MINDY3: variants seen among roughly 807,000 people sequenced by gnomAD.
MINDY3 encodes MINDY lysine 48 deubiquitinase 3.
Under a neutral mutation model 69.2 loss-of-function variants are expected in MINDY3, and 38 were observed. The ratio of observed to expected loss-of-function variants is 0.55; its 90% confidence interval spans 0.42 to 0.72. MINDY3 has a LOEUF of 0.72. Among genes scored for constraint, MINDY3 ranks in the 30% least tolerant of loss-of-function variants. MINDY3 has a pLI of 0.00. For missense variants in MINDY3, 522 were observed against 519.0 expected (o/e 1.01, Z -0.06); for synonymous variants, 192 against 180.1 (o/e 1.07, Z -0.53).
chr10:15,804,633 C>CAATA, intron 10 of MINDY3, among the ~76,000 whole-genome samples: 2 of 152,100 alleles, frequency 1.3e-5, no homozygotes, highest in Admixed American at 1.3e-4. Context: ...AAAGTCCCTC[C>CAATA]AATAAATAAA....
At chr10:15,850,354 G>A (rs114116722) in intron 1 of MINDY3, among the ~76,000 whole-genome samples, 3,157 of 152,290 alleles carry the variant, frequency 0.021, 86 homozygotes, top group African/African-American at 0.068. Context: ...CAAGGGAGAT[G>A]ATCATTAGGT....
At chr10:15,833,557 C>T (rs1165067390) in intron 8 of MINDY3, 73 bp downstream of exon 8, 21 of 975,828 alleles carry the variant, frequency 2.2e-5, no homozygotes, top group Middle Eastern at 2.1e-4. Context: ...ATTAAATAGA[C>T]GAATAATAAT....
intron 11 of MINDY3, among the ~76,000 whole-genome samples, chr10:15,794,749 T>C (rs950190629): frequency 2.0e-5 from 3 of 152,102 alleles, no homozygotes; most frequent in Non-Finnish European, 4.4e-5. Flanking sequence ...GCCTGCTACC[T>C]CATTAGTGAT....
At chr10:15,837,147 A>G in intron 6 of MINDY3, 57 bp downstream of exon 6, 1 of 942,468 alleles carries the variant, frequency 1.1e-6, no homozygotes, top group Non-Finnish European at 1.6e-6. Flanking sequence ...TCACTGCAGG[A>G]AAAACAGCAC....
At chr10:15,853,847 A>G (rs1205306345) in intron 1 of MINDY3, among the ~76,000 whole-genome samples, 1 of 151,962 alleles carries the variant, frequency 6.6e-6, no homozygotes, top group Admixed American at 6.6e-5. Context: ...TGAGCTTGAC[A>G]TTTCAAGGAA....
chr10:15,842,924 A>G (rs1219491118), intron 3 of MINDY3, among the ~76,000 whole-genome samples: 4 of 150,976 alleles, frequency 2.6e-5, no homozygotes, highest in African/African-American at 7.3e-5. Flanking sequence ...AAAAAAAAAA[A>G]GACTGTTCTT....
rs1341615774 is a variant in MINDY3 at position 15,782,169 on chromosome 10, T to C, written c.1174A>G (p.Asn392Asp). 6.2e-7 allele frequency: 1 copy of C among 1,610,138 alleles called. No homozygotes were observed. Among genetic ancestry groups the C allele is most frequent in the Non-Finnish European group, 8.5e-7 (1 of 1,177,404 alleles). The change falls in exon 14 of 15, where the codon AAT (asparagine) becomes GAT (aspartate). Residue 392 changes from asparagine (N) to aspartate (D), a missense_variant. By Grantham distance (23) the Asn-to-Asp change is conservative. Coordinates refer to ENST00000277632, the MANE Select transcript of MINDY3 (RefSeq NM_024948.4). ...AATTATCATACCTTTTCATTATAATTTGACTGCTTCAATCCATTGTAGTGG... is the reference window on the plus strand; with the variant it reads ...AATTATCATACCTTTTCATTATAATCTGACTGCTTCAATCCATTGTAGTGG... Reference protein sequence around the residue: ...VYHYNGLKQSNYNEKVMYVEG... With the variant: ...VYHYNGLKQSDYNEKVMYVEG...
At chr10:15,850,344 C>T (rs1834192822) in intron 1 of MINDY3, among the ~76,000 whole-genome samples, 1 of 152,132 alleles carries the variant, frequency 6.6e-6, no homozygotes, top group South Asian at 2.1e-4. Flanking sequence ...GTTCAGGGAA[C>T]AAGGGAGATG....
At chr10:15,841,981 A>G (rs7097989) in intron 3 of MINDY3, among the ~76,000 whole-genome samples, 22,394 of 151,440 alleles carry the variant, frequency 0.15, 4,048 homozygotes, top group African/African-American at 0.43. Context: ...TGAAACCTCT[A>G]TTTTTTTTCC....
At chr10:15,812,208 T>C (rs1456784015) in intron 10 of MINDY3, among the ~76,000 whole-genome samples, 3 of 152,172 alleles carry the variant, frequency 2.0e-5, no homozygotes, top group Non-Finnish European at 4.4e-5. Context: ...CCCAAAGTGT[T>C]AGGATTACAG....
chr10:15,835,887 C>A (rs1034936027), intron 6 of MINDY3, among the ~76,000 whole-genome samples: 1 of 151,838 alleles, frequency 6.6e-6, no homozygotes, highest in Non-Finnish European at 1.5e-5. Context: ...ATTTCAATAC[C>A]CAATTTTCTA....
At chr10:15,801,943 T>G (rs1442201486) in intron 10 of MINDY3, among the ~76,000 whole-genome samples, 1 of 151,920 alleles carries the variant, frequency 6.6e-6, no homozygotes, top group Non-Finnish European at 1.5e-5. Context: ...TGAGTGCTTC[T>G]GAACCAGTGC....
At chr10:15,816,776 C>T (rs1311807952) in intron 10 of MINDY3, 59 bp downstream of exon 10, 1 of 1,166,522 alleles carries the variant, frequency 8.6e-7, no homozygotes, top group Non-Finnish European at 1.3e-6. Flanking sequence ...CAAATATGAA[C>T]TTATAATACT....
intron 5 of MINDY3, chr10:15,837,664 T>C: frequency 8.8e-7 from 1 of 1,142,780 alleles, no homozygotes; most frequent in Non-Finnish European, 1.1e-6. Flanking sequence ...CAAAGAAAAC[T>C]TCACTTTTTA....
intron 5 of MINDY3, 29 bp downstream of exon 5, chr10:15,838,199 A>C: frequency 6.3e-7 from 1 of 1,590,258 alleles, no homozygotes; most frequent in Non-Finnish European, 8.5e-7. Context: ...CCACAGAGTA[A>C]GTATTTTAAA....
At chr10:15,823,204 G>C (rs914723800) in intron 8 of MINDY3, among the ~76,000 whole-genome samples, 1 of 152,138 alleles carries the variant, frequency 6.6e-6, no homozygotes, top group African/African-American at 2.4e-5. Flanking sequence ...TATACATACA[G>C]TTTATACTTT....
chr10:15,785,321 A>G (rs1185955532), intron 13 of MINDY3, among the ~76,000 whole-genome samples: 1 of 152,136 alleles, frequency 6.6e-6, no homozygotes, highest in East Asian at 1.9e-4. Context: ...AAGAGAAGGG[A>G]CTAGAACCCT....
At chr10:15,816,282 G>GAAAAAAAAAAAAA (rs1421619763) in intron 10 of MINDY3, among the ~76,000 whole-genome samples, 2 of 108,512 alleles carry the variant, frequency 1.8e-5, no homozygotes, top group African/African-American at 6.2e-5. Context: ...AAAAAAAAAT[G>GAAAAAAAAAAAAA]AAAAAGAAAA....
At chr10:15,848,325 T>C (rs536356086) in intron 1 of MINDY3, among the ~76,000 whole-genome samples, 35 of 152,278 alleles carry the variant, frequency 2.3e-4, no homozygotes, top group African/African-American at 8.2e-4. Flanking sequence ...TTCTGTCACA[T>C]TCTATAAGCT....
Sources: gnomAD v4.1 joint callset for allele counts (sites outside exome capture counted in the v4.1 genomes callset) on GRCh38, gnomAD v4.1.1 for gene constraint, MANE v1.5 for transcripts, NCBI Gene and HGNC (gene_info 2026-07-23, HGNC 2026-07-21) for gene names.